The following VPS13A variants were observed in gnomAD, a reference collection of about 807,000 sequenced individuals.
The protein encoded by VPS13A is vacuolar protein sorting 13 homolog A.
Under a neutral mutation model 390.9 loss-of-function variants are expected in VPS13A, and 264 were observed. The observed-to-expected ratio is 0.68, with a 90% CI of 0.61 to 0.75. The LOEUF (loss-of-function observed/expected upper bound fraction) is 0.75, where lower values mean the gene tolerates loss of function less well. Among genes scored for constraint, VPS13A ranks in the 30% least tolerant of loss-of-function variants. The probability of loss-of-function intolerance (pLI) is 0.00; values close to 1 mark genes in which losing one functional copy is unlikely to be tolerated. For synonymous variants in VPS13A, 1,231 were observed against 1,227.1 expected, an observed-to-expected ratio of 1.00 and a Z score of -0.07; for missense variants, 3,409 against 3,733.9, an observed-to-expected ratio of 0.91 and a Z score of 2.27.
At chr9:77,338,987 A>T (rs1349615989) in intron 47 of VPS13A, 1 of 165,598 alleles carries the variant, frequency 6.0e-6, no homozygotes, top group East Asian at 1.8e-4. Context: ...ATGAACTAAG[A>T]TAATAGAAGG....
chr9:77,344,589 C>G (rs986052321), intron 51 of VPS13A, among the ~76,000 whole-genome samples: 1 of 152,140 alleles, frequency 6.6e-6, no homozygotes, highest in African/African-American at 2.4e-5. Context: ...AACCCTGTCT[C>G]TACTAAAGAA....
Position 77,400,696 on chromosome 9 carries a change from T to C in VPS13A, c.9190-2540T>C, listed in dbSNP as rs566504077. 1.5e-4 allele frequency among the ~76,000 whole-genome samples: 23 copies of C among 151,484 alleles called. 1 individual carries two copies. The South Asian group carries it at 2.5e-3, about 17-fold the overall frequency. The stretch of plus-strand genomic sequence containing the variant: ...AAAAAAAATTAGCCGGGCGTGGTGA[T>C]GGGTGCCTGTAGTCCCAGCTACTTG... On this transcript the variant is annotated intron_variant, in intron 68 of 71. Coordinates refer to ENST00000360280, the MANE Select transcript of VPS13A (RefSeq NM_033305.3).
chr9:77,373,710 T>C (rs952285653), intron 67 of VPS13A, among the ~76,000 whole-genome samples: 1 of 151,022 alleles, frequency 6.6e-6, no homozygotes, highest in Non-Finnish European at 1.5e-5. Context: ...ACCTACAAAA[T>C]GGGAGAAAAT....
intron 44 of VPS13A, 44 bp from the exon 45 acceptor site, chr9:77,323,023 A>G: frequency 1.4e-6 from 2 of 1,417,594 alleles, no homozygotes; most frequent in Non-Finnish European, 2.0e-6. Flanking sequence ...ATTAATATGT[A>G]ATGAATTATA....
At chr9:77,393,516 C>G (rs117978166) in intron 68 of VPS13A, among the ~76,000 whole-genome samples, 1 of 152,222 alleles carries the variant, frequency 6.6e-6, no homozygotes, top group Non-Finnish European at 1.5e-5. Context: ...TGTGGCAGCC[C>G]AACAAAATGT....
chr9:77,256,028 G>C (rs1012812029), intron 22 of VPS13A, among the ~76,000 whole-genome samples: 3 of 150,698 alleles, frequency 2.0e-5, no homozygotes, highest in Non-Finnish European at 4.4e-5. Flanking sequence ...TTTTATTTCG[G>C]GTAGCTTTAG....
At chr9:77,361,900 A>T (rs1832161738) in intron 59 of VPS13A, among the ~76,000 whole-genome samples, 1 of 152,146 alleles carries the variant, frequency 6.6e-6, no homozygotes, top group South Asian at 2.1e-4. Flanking sequence ...CCTGATGACT[A>T]ATGATGTTGA....
chr9:77,392,642 A>G (rs1319770127), intron 68 of VPS13A, among the ~76,000 whole-genome samples: 1 of 152,052 alleles, frequency 6.6e-6, no homozygotes, highest in Non-Finnish European at 1.5e-5. Flanking sequence ...ACACGCATAT[A>G]TTTGTTCTCC....
At chr9:77,398,238 G>GTACCATGAGGAAAGTATGACTGA (rs1834198897) in intron 68 of VPS13A, among the ~76,000 whole-genome samples, 2 of 152,086 alleles carry the variant, frequency 1.3e-5, no homozygotes, top group Non-Finnish European at 2.9e-5. Flanking sequence ...ATTTTTTGAG[G>GTACCATGAGGAAAGTATGACTGA]TACCATGAGG....
chr9:77,233,903 G>C (rs1823985267), intron 17 of VPS13A, among the ~76,000 whole-genome samples: 1 of 152,104 alleles, frequency 6.6e-6, no homozygotes, highest in Non-Finnish European at 1.5e-5. Context: ...GTTACATGTA[G>C]TTGGTTTATA....
intron 19 of VPS13A, among the ~76,000 whole-genome samples, chr9:77,241,904 T>C (rs1824521797): frequency 6.6e-6 from 1 of 152,172 alleles, no homozygotes; most frequent in Non-Finnish European, 1.5e-5. Flanking sequence ...GTGAGAGTGT[T>C]TTAGGGAGAG....
chr9:77,209,398 A>G (rs752154880), intron 5 of VPS13A, 25 bp from the exon 6 acceptor site: 4 of 1,509,778 alleles, frequency 2.6e-6, no homozygotes, highest in Admixed American at 1.7e-5. Flanking sequence ...ATTCAATTTT[A>G]AAAAAGGAAT....
chr9:77,389,154 C>T (rs1833807919), intron 68 of VPS13A, among the ~76,000 whole-genome samples: 1 of 152,066 alleles, frequency 6.6e-6, no homozygotes, highest in African/African-American at 2.4e-5. Flanking sequence ...CTGGTTATGA[C>T]TCAAAAGTAT....
In VPS13A at chr9:77,332,069, T is replaced by C. The variant is rs1201770277; in HGVS notation, c.6051T>C (p.Thr2017=). Residue 2017 remains threonine, a synonymous_variant, in exon 46 of 72, where the codon ACT becomes ACC. Transcript: ENST00000360280. ...ACGAAGGGGATACCTTATTGGGAAC[T>C]GCCTCACCTGAAAATGAATTCAACA... ...SVYEGDTLLG[T]ASPENEFNIP... The C allele has an allele frequency of 3.1e-6, 5 of 1,612,346 alleles. No homozygotes were observed. The African/African-American group carries it at 6.7e-5, about 22-fold the overall frequency.
chr9:77,358,077 T>C (rs1485969579), intron 56 of VPS13A, among the ~76,000 whole-genome samples: 6 of 147,660 alleles, frequency 4.1e-5, no homozygotes, highest in Admixed American at 1.4e-4. Context: ...TGCCTCAGCC[T>C]CCTGAGTAGC....
chr9:77,275,476 A>G, intron 24 of VPS13A, 22 bp from the exon 25 acceptor site: 1 of 1,610,082 alleles, frequency 6.2e-7, no homozygotes, highest in Admixed American at 1.7e-5. Context: ...TATTGACTTA[A>G]ATAATGTTCT....
At chr9:77,415,464 G>C (rs777363477) in intron 71 of VPS13A, among the ~76,000 whole-genome samples, 1 of 152,198 alleles carries the variant, frequency 6.6e-6, no homozygotes, top group Non-Finnish European at 1.5e-5. Flanking sequence ...ATTACTGGTA[G>C]AAAGGTTGTG....
At chr9:77,200,520 A>G (rs1424150109) in intron 2 of VPS13A, among the ~76,000 whole-genome samples, 1 of 152,116 alleles carries the variant, frequency 6.6e-6, no homozygotes, top group Non-Finnish European at 1.5e-5. Flanking sequence ...AAACATACAA[A>G]AAATACAGAT....
chr9:77,421,106 C>T lies in VPS13A; in HGVS notation c.*5100C>T, dbSNP rs2131681234. On this transcript the variant is annotated 3_prime_UTR_variant, in exon 72 of 72. Coordinates refer to ENST00000360280, the MANE Select transcript of VPS13A (RefSeq NM_033305.3). ...TGCACTTTAAAAATACTTTCTCTTG[C>T]TAGTTTTTTAAATTGATGAAATAGC... The T allele has an allele frequency of 6.6e-6, 1 of 152,266 alleles. No individual in the cohort carries two copies. Among genetic ancestry groups the T allele is most frequent in the South Asian group, 2.1e-4 (1 of 4,830 alleles). 9.4% of individuals were successfully genotyped at this position (152,266 alleles called of 1,614,324 possible). A position where few individuals can be genotyped will look rare whatever the true frequency, so the allele number is the denominator to read the frequency against.
Sources: allele counts gnomAD v4.1 joint callset (sites outside exome capture counted in the v4.1 genomes callset), GRCh38; gene constraint gnomAD v4.1.1; transcripts MANE v1.5; gene names NCBI Gene and HGNC (gene_info 2026-07-23, HGNC 2026-07-21).